The following BLTP3B variants were observed in gnomAD, a reference collection of about 807,000 sequenced individuals.
BLTP3B encodes bridge-like lipid transfer protein family member 3B.
the BLTP3B span, chr12:100,070,039 A>G: frequency 7.3e-7 from 1 of 1,373,014 alleles, no homozygotes; most frequent in South Asian, 1.8e-5. Flanking sequence ...AATACAGTGG[A>G]GAAAAAACAA....
At chr12:100,127,872 G>A in the BLTP3B span, among the ~76,000 whole-genome samples, 13 of 152,118 alleles carry the variant, frequency 8.5e-5, 1 homozygote, top group South Asian at 2.1e-3. Flanking sequence ...AACTCAGCCA[G>A]GCATGGGGTA....
the BLTP3B span, among the ~76,000 whole-genome samples, chr12:100,104,204 CTTT>C: frequency 3.0e-5 from 4 of 131,648 alleles, no homozygotes; most frequent in Non-Finnish European, 4.9e-5. Flanking sequence ...TTCTTTTTTT[CTTT>C]TTTTTTTTTT....
the BLTP3B span, among the ~76,000 whole-genome samples, chr12:100,107,214 G>T: frequency 6.7e-6 from 1 of 150,042 alleles, no homozygotes; most frequent in Admixed American, 6.6e-5. Flanking sequence ...CATGAACCTG[G>T]GAGGTAGAGG....
chr12:100,140,000 A>T, the BLTP3B span, among the ~76,000 whole-genome samples: 1 of 152,192 alleles, frequency 6.6e-6, no homozygotes, highest in African/African-American at 2.4e-5. Context: ...TAGTATGTTC[A>T]ACTATTTCCT....
chr12:100,116,227 G>A, the BLTP3B span, among the ~76,000 whole-genome samples: 21 of 150,542 alleles, frequency 1.4e-4, no homozygotes, highest in African/African-American at 4.9e-4. Context: ...CTGTAATCCT[G>A]ACACTTTGGG....
At chr12:100,072,249 G>A in the BLTP3B span, among the ~76,000 whole-genome samples, 38 of 151,868 alleles carry the variant, frequency 2.5e-4, no homozygotes, top group Middle Eastern at 3.4e-3. Context: ...GCAACAGAGC[G>A]AGACTCTGCC....
the BLTP3B span, among the ~76,000 whole-genome samples, chr12:100,076,233 T>C: frequency 1.3e-5 from 2 of 152,000 alleles, no homozygotes; most frequent in African/African-American, 4.8e-5. Flanking sequence ...ACCAATAAAG[T>C]TTTATCAGTT....
At chr12:100,042,913 C>T in the BLTP3B span, among the ~76,000 whole-genome samples, 1 of 152,186 alleles carries the variant, frequency 6.6e-6, no homozygotes, top group Admixed American at 6.5e-5. Context: ...AATTCTCCTG[C>T]CTCAGCCTCC....
At chr12:100,135,909 T>C in the BLTP3B span, among the ~76,000 whole-genome samples, 1 of 152,096 alleles carries the variant, frequency 6.6e-6, no homozygotes, top group Non-Finnish European at 1.5e-5. Context: ...TTATTAGAGA[T>C]TATTTAAAAG....
At chr12:100,140,729 A>AATATAT in the BLTP3B span, among the ~76,000 whole-genome samples, 111 of 61,460 alleles carry the variant, frequency 1.8e-3, 3 homozygotes, top group Middle Eastern at 0.014. Flanking sequence ...AAAAAAAAAA[A>AATATAT]ATATATATAT....
chr12:100,076,279 GTTTT>G, the BLTP3B span, among the ~76,000 whole-genome samples: 3 of 145,408 alleles, frequency 2.1e-5, no homozygotes, highest in Non-Finnish European at 4.5e-5. Context: ...ACCCAGAGAT[GTTTT>G]TTTTTCCATT....
chr12:100,112,983 T>A, the BLTP3B span, among the ~76,000 whole-genome samples: 1 of 150,226 alleles, frequency 6.7e-6, no homozygotes. Flanking sequence ...CTAGCCTGGG[T>A]AACATGACAA....
the BLTP3B span, chr12:100,070,058 G>T: frequency 7.1e-7 from 1 of 1,409,022 alleles, no homozygotes; most frequent in South Asian, 1.6e-5. Flanking sequence ...AATGAATTTA[G>T]ATTTACAAGA....
the BLTP3B span, among the ~76,000 whole-genome samples, chr12:100,053,820 A>C: frequency 6.6e-6 from 1 of 152,184 alleles, no homozygotes; most frequent in African/African-American, 2.4e-5. Flanking sequence ...AGAGTAAAAA[A>C]TTGAAGATAT....
the BLTP3B span, chr12:100,095,515 T>C: frequency 1.7e-5 from 14 of 837,856 alleles, no homozygotes; most frequent in South Asian, 5.8e-5. Context: ...CTACTACTTA[T>C]ATAAAATTAC....
At chr12:100,080,007 G>A in the BLTP3B span, among the ~76,000 whole-genome samples, 9 of 152,202 alleles carry the variant, frequency 5.9e-5, no homozygotes, top group South Asian at 2.1e-4. Flanking sequence ...GGGAGCCTCC[G>A]CCTAGATTTC....
chr12:100,141,735 G>A, the BLTP3B span, among the ~76,000 whole-genome samples: 1 of 152,136 alleles, frequency 6.6e-6, no homozygotes, highest in Non-Finnish European at 1.5e-5. Flanking sequence ...TGGAACAAGA[G>A]CCTACATTTA....
the BLTP3B span, among the ~76,000 whole-genome samples, chr12:100,054,544 T>C: frequency 1.3e-5 from 2 of 152,146 alleles, no homozygotes; most frequent in African/African-American, 4.8e-5. Flanking sequence ...TGAAATATAT[T>C]TTGATCATAG....
At chr12:100,142,339 G>C in the BLTP3B span, among the ~76,000 whole-genome samples, 1 of 152,100 alleles carries the variant, frequency 6.6e-6, no homozygotes. Context: ...AGCCCGCCGC[G>C]CTCCGCACTC....
Sources: gnomAD v4.1 joint callset for allele counts (sites outside exome capture counted in the v4.1 genomes callset) on GRCh38, gnomAD v4.1.1 for gene constraint, MANE v1.5 for transcripts, NCBI Gene and HGNC (gene_info 2026-07-23, HGNC 2026-07-21) for gene names.